ITSN1: variants seen among roughly 807,000 people sequenced by gnomAD.
ITSN1 encodes the protein intersectin 1, also known as intersectin-1.
Under a neutral mutation model 239.8 loss-of-function variants are expected in ITSN1, and 58 were observed. The observed-to-expected ratio is 0.24, with a 90% CI of 0.20 to 0.30. ITSN1 has a LOEUF of 0.30. ITSN1 is among the 10% of genes least tolerant of loss of function. The probability of loss-of-function intolerance (pLI) is 1.00; values close to 1 mark genes in which losing one functional copy is unlikely to be tolerated. For synonymous variants in ITSN1, 780 were observed against 770.8 expected (o/e 1.01, Z -0.20); for missense variants, 1,558 against 2,103.3 (o/e 0.74, Z 5.07).
chr21:33,886,738 G>A (rs953582813), intron 39 of ITSN1, among the ~76,000 whole-genome samples: 5 of 152,164 alleles, frequency 3.3e-5, no homozygotes, highest in African/African-American at 1.2e-4. Context: ...CTGTGGAGAG[G>A]GGTGTGTTTA....
At chr21:33,728,503 C>G (rs529003107) in intron 4 of ITSN1, among the ~76,000 whole-genome samples, 1 of 152,210 alleles carries the variant, frequency 6.6e-6, no homozygotes, top group Admixed American at 6.5e-5. Flanking sequence ...GCTGGGATTA[C>G]AGGCTTGAGC....
intron 1 of ITSN1, among the ~76,000 whole-genome samples, chr21:33,713,000 C>A (rs1317844727): frequency 2.6e-5 from 4 of 152,030 alleles, no homozygotes; most frequent in African/African-American, 9.7e-5. Context: ...GCCTCACCCT[C>A]CTGAGTAGCT....
At chr21:33,709,451 T>A (rs1423223232) in intron 1 of ITSN1, among the ~76,000 whole-genome samples, 1 of 152,144 alleles carries the variant, frequency 6.6e-6, no homozygotes, top group East Asian at 1.9e-4. Context: ...ATTACGGGCA[T>A]GTGCCACCAT....
chr21:33,715,077 GTAAA>G (rs1207520914), intron 1 of ITSN1, among the ~76,000 whole-genome samples: 1 of 151,978 alleles, frequency 6.6e-6, no homozygotes, highest in African/African-American at 2.4e-5. Context: ...CATAAATATG[GTAAA>G]TAATCTTTAC....
At chr21:33,778,883 T>C (rs913984533) in intron 14 of ITSN1, among the ~76,000 whole-genome samples, 18 of 152,156 alleles carry the variant, frequency 1.2e-4, no homozygotes, top group Non-Finnish European at 2.4e-4. Flanking sequence ...CGGCCTATAA[T>C]ATTCTCTTAT....
chr21:33,646,154 G>A lies in ITSN1; in HGVS notation c.-33+3441G>A, dbSNP rs139781185. On this transcript the variant is annotated intron_variant, in intron 1 of 39. Coordinates refer to ENST00000381318, the MANE Select transcript of ITSN1 (RefSeq NM_003024.3). The stretch of plus-strand genomic sequence containing the variant: ...AAAAAAATTTTTTTTAGTAGTCACT[G>A]ATTTTATAAATTAGGAGCCACAAGC... Among the ~76,000 whole-genome samples the A allele has an allele frequency of 5.5e-3, 831 of 152,284 alleles. 8 individuals are homozygous for A. The highest frequency in any genetic ancestry group is 0.019 in the African/African-American group (792 of 41,550).
chr21:33,847,065 G>T (rs2075010648), intron 29 of ITSN1, among the ~76,000 whole-genome samples: 1 of 152,212 alleles, frequency 6.6e-6, no homozygotes, highest in African/African-American at 2.4e-5. Context: ...GGCTCAGGTT[G>T]CCTCTTGGGT....
At chr21:33,863,109 C>T (rs571971232) in intron 31 of ITSN1, among the ~76,000 whole-genome samples, 1 of 152,324 alleles carries the variant, frequency 6.6e-6, no homozygotes, top group East Asian at 1.9e-4. Context: ...CCTGGTAACA[C>T]CTTGCGGTCT....
intron 16 of ITSN1, among the ~76,000 whole-genome samples, chr21:33,784,522 C>G (rs1413904979): frequency 6.6e-6 from 1 of 151,978 alleles, no homozygotes; most frequent in Admixed American, 6.6e-5. Context: ...ACAAACAAAA[C>G]AGTAAACAAA....
intron 1 of ITSN1, among the ~76,000 whole-genome samples, chr21:33,671,487 G>T (rs986655320): frequency 6.6e-6 from 1 of 151,904 alleles, no homozygotes; most frequent in East Asian, 1.9e-4. Flanking sequence ...GTTTCACCGC[G>T]TTGGTCAGGC....
At chr21:33,763,133 T>C (rs1303101514) in intron 9 of ITSN1, among the ~76,000 whole-genome samples, 1 of 151,628 alleles carries the variant, frequency 6.6e-6, no homozygotes, top group East Asian at 1.9e-4. Context: ...TTTGCAATAC[T>C]TGAGTTTTCC....
chr21:33,781,603 T>C, intron 15 of ITSN1, 55 bp downstream of exon 15: 1 of 1,025,672 alleles, frequency 9.7e-7, no homozygotes, highest in Non-Finnish European at 1.4e-6. Flanking sequence ...TTTTTTGACA[T>C]GGAGTCTCAC....
chr21:33,667,406 C>T (rs1000440826), intron 1 of ITSN1, among the ~76,000 whole-genome samples: 2 of 151,964 alleles, frequency 1.3e-5, no homozygotes, highest in East Asian at 1.9e-4. Flanking sequence ...AAAGCATATA[C>T]GAACTACTTG....
chr21:33,863,572 G>A (rs947913916), intron 31 of ITSN1, among the ~76,000 whole-genome samples: 8 of 152,312 alleles, frequency 5.3e-5, no homozygotes, highest in African/African-American at 1.9e-4. Flanking sequence ...GGAGGTTGTA[G>A]AGCTGGGATT....
At chr21:33,774,401 C>T (rs540819224) in intron 12 of ITSN1, 2 of 181,288 alleles carry the variant, frequency 1.1e-5, no homozygotes, top group Non-Finnish European at 2.3e-5. Context: ...TCCTTCTTGG[C>T]GTGTCAGTAA....
intron 11 of ITSN1, among the ~76,000 whole-genome samples, chr21:33,771,354 G>A (rs1010119628): frequency 1.3e-5 from 2 of 152,132 alleles, no homozygotes; most frequent in African/African-American, 4.8e-5. Flanking sequence ...TCCCCTGGCC[G>A]GCGTTGGTAC....
chr21:33,796,891 A>G (rs2071606466), intron 17 of ITSN1, among the ~76,000 whole-genome samples: 1 of 152,216 alleles, frequency 6.6e-6, no homozygotes, highest in Non-Finnish European at 1.5e-5. Context: ...TTTAATTACA[A>G]TTATCTATTT....
intron 12 of ITSN1, among the ~76,000 whole-genome samples, chr21:33,773,519 A>G (rs1015562909): frequency 6.6e-6 from 1 of 152,120 alleles, no homozygotes; most frequent in Non-Finnish European, 1.5e-5. Flanking sequence ...ATGTAAAAAA[A>G]TAGCCTGAGT....
chr21:33,723,462 A>T (rs1301424573), intron 4 of ITSN1, among the ~76,000 whole-genome samples: 1 of 152,134 alleles, frequency 6.6e-6, no homozygotes, highest in Non-Finnish European at 1.5e-5. Flanking sequence ...AAAATACAAA[A>T]AATTAGCCAG....
Sources: gnomAD v4.1 joint callset for allele counts (sites outside exome capture counted in the v4.1 genomes callset) on GRCh38, gnomAD v4.1.1 for gene constraint, MANE v1.5 for transcripts, NCBI Gene and HGNC (gene_info 2026-07-23, HGNC 2026-07-21) for gene names.